The following PXDN variants were observed in gnomAD, a reference collection of about 807,000 sequenced individuals.
The protein encoded by PXDN is peroxidasin.
Under a neutral mutation model 140.3 loss-of-function variants are expected in PXDN, and 77 were observed. That is an observed-to-expected ratio of 0.55 (90% CI 0.46 to 0.66). The LOEUF (loss-of-function observed/expected upper bound fraction) is 0.66. Among genes scored for constraint, PXDN ranks in the 30% least tolerant of loss-of-function variants. The probability of loss-of-function intolerance (pLI) is 0.00; values close to 1 mark genes in which losing one functional copy is unlikely to be tolerated. For missense variants in PXDN, 1,838 were observed against 2,039.5 expected, an observed-to-expected ratio of 0.90 and a Z score of 1.90; for synonymous variants, 911 against 857.4, an observed-to-expected ratio of 1.06 and a Z score of -1.09.
chr2:1,692,031 A>G, intron 2 of PXDN, 32 bp from the exon 3 acceptor site: 1 of 1,406,198 alleles, frequency 7.1e-7, no homozygotes, highest in East Asian at 2.5e-5. Flanking sequence ...AATTTTAAAA[A>G]ACAACAGAAA....
intron 4 of PXDN, among the ~76,000 whole-genome samples, chr2:1,686,988 G>A (rs994543116): frequency 1.3e-5 from 2 of 152,110 alleles, no homozygotes; most frequent in Non-Finnish European, 2.9e-5. Flanking sequence ...GTGACTGGCC[G>A]AGCAAACAAA....
At chr2:1,704,426 G>A (rs1336402922) in intron 1 of PXDN, among the ~76,000 whole-genome samples, 1 of 63,234 alleles carries the variant, frequency 1.6e-5, no homozygotes, top group East Asian at 7.9e-4. Flanking sequence ...GCAACTCCAG[G>A]TGAAGGTAGG....
At chr2:1,642,423 T>C (rs1682749669) in intron 19 of PXDN, among the ~76,000 whole-genome samples, 1 of 152,254 alleles carries the variant, frequency 6.6e-6, no homozygotes, top group Non-Finnish European at 1.5e-5. Flanking sequence ...GTCTGTACTT[T>C]GTGTGTCTCT....
chr2:1,700,273 G>C (rs538135065), intron 1 of PXDN, among the ~76,000 whole-genome samples: 25 of 152,134 alleles, frequency 1.6e-4, no homozygotes, highest in Non-Finnish European at 2.4e-4. Context: ...TGTTGGCCAG[G>C]CTGGTCTCCA....
chr2:1,693,645 G>T (rs1684232161), intron 1 of PXDN, among the ~76,000 whole-genome samples: 1 of 152,160 alleles, frequency 6.6e-6, no homozygotes, highest in Non-Finnish European at 1.5e-5. Context: ...CACGCTAACT[G>T]GGAAAATAGG....
rs114754299 is a variant in PXDN, at chr2:1,660,629, A to G, written c.1837+252T>C. 7.1e-3 allele frequency among the ~76,000 whole-genome samples: 1,076 copies of G among 152,324 alleles called. 12 individuals are homozygous for G. Among genetic ancestry groups the G allele is most frequent in the African/African-American group, 0.025 (1,023 of 41,576 alleles). On this transcript the variant is annotated intron_variant, in intron 14 of 22. Transcript: ENST00000252804. This position sits in a 1 kb window ranked among gnomAD's most constrained non-coding sequence, Gnocchi z 4.6. Reference sequence around the variant, plus strand: ...TGGGCTGCAGGGTAAGACATTGCCCAGTGGACAGGCTGCAGGACAAAGCTC... The same window carrying G: ...TGGGCTGCAGGGTAAGACATTGCCCGGTGGACAGGCTGCAGGACAAAGCTC...
In PXDN at chr2:1,687,603, A is replaced by G. The variant is rs1173201639; in HGVS notation, c.416+29T>C. ...GAAAACAGCCAGACGGCATCCAAGA[A>G]CTAAAGCACGAAGAGAAGGGGCACT... On this transcript the variant is annotated intron_variant, in intron 4 of 22. Transcript: ENST00000252804. The surrounding 1 kb of genome is among the most constrained non-coding windows in gnomAD (Gnocchi z 4.0). 7 of 1,458,974 alleles carry G rather than the reference A, an allele frequency of 4.8e-6. No homozygotes were observed. In the Admixed American group the frequency reaches 1.3e-4, roughly 26 times the overall value. 90.4% of individuals were successfully genotyped at this position (1,458,974 alleles called of 1,614,324 possible).
At chr2:1,715,967 C>T (rs1684884866) in intron 1 of PXDN, among the ~76,000 whole-genome samples, 1 of 152,200 alleles carries the variant, frequency 6.6e-6, no homozygotes, top group African/African-American at 2.4e-5. Context: ...ATAGCCCTCA[C>T]CCAGCTGCTC....
intron 14 of PXDN, among the ~76,000 whole-genome samples, chr2:1,657,879 G>A (rs1235005931): frequency 4.4e-5 from 6 of 136,502 alleles, no homozygotes; most frequent in African/African-American, 1.9e-4. Flanking sequence ...GCCCCCTCCT[G>A]ACCGAAACCT....
Position 1,685,313 on chromosome 2 carries a change from G to T in PXDN, c.417-1162C>A, listed in dbSNP as rs1408281877. ...GTGAGGGAAGGAAAAACTGGAGCAG[G>T]AAGACAAGGAAAACCGCCGTGGGCG... On this transcript the variant is annotated intron_variant, in intron 4 of 22. Transcript: ENST00000252804. This position sits in a 1 kb window ranked among gnomAD's most constrained non-coding sequence, Gnocchi z 5.1. Among the ~76,000 whole-genome samples the T allele has an allele frequency of 6.6e-6, 1 of 152,238 alleles. No individual in the cohort carries two copies. The highest frequency in any genetic ancestry group is 6.5e-5 in the Admixed American group (1 of 15,288).
intron 10 of PXDN, among the ~76,000 whole-genome samples, chr2:1,665,314 G>A (rs573581185): frequency 3.9e-5 from 6 of 152,264 alleles, no homozygotes; most frequent in South Asian, 2.1e-4. Context: ...CAACCACACC[G>A]CCAGCTGCAA....
chr2:1,719,235 C>G (rs1237077233), intron 1 of PXDN, among the ~76,000 whole-genome samples: 1 of 152,176 alleles, frequency 6.6e-6, no homozygotes, highest in Non-Finnish European at 1.5e-5. Flanking sequence ...GGCAGCCACC[C>G]ACCTTCACCC....
intron 1 of PXDN, among the ~76,000 whole-genome samples, chr2:1,702,016 G>T (rs184591523): frequency 6.6e-6 from 1 of 152,222 alleles, no homozygotes; most frequent in African/African-American, 2.4e-5. Flanking sequence ...AGGCTGCCCC[G>T]CCTATGGCTC....
Position 1,651,660 on chromosome 2 carries a change from G to C in PXDN, c.2104+1968C>G, listed in dbSNP as rs1357950362. Among the ~76,000 whole-genome samples the C allele has an allele frequency of 6.6e-6, 1 of 152,092 alleles. No homozygotes were observed. Among genetic ancestry groups the C allele is most frequent in the South Asian group, 2.1e-4 (1 of 4,814 alleles). On this transcript the variant is annotated intron_variant, in intron 16 of 22. Coordinates refer to ENST00000252804, the MANE Select transcript of PXDN (RefSeq NM_012293.3). The surrounding 1 kb of genome is among the most constrained non-coding windows in gnomAD (Gnocchi z 4.4). ...CCACCTCCAAGACTCTGCATGTGTG[G>C]TCCCCTCAGATGCTCCAGGGAGGCC...
At chr2:1,726,293 TTGGAA>T (rs1016841282) in intron 1 of PXDN, among the ~76,000 whole-genome samples, 4 of 151,360 alleles carry the variant, frequency 2.6e-5, no homozygotes, top group Non-Finnish European at 5.9e-5. Flanking sequence ...ATGGATGAAA[TTGGAA>T]ATCATCATTC....
chr2:1,713,590 C>G (rs1684831162), intron 1 of PXDN, among the ~76,000 whole-genome samples: 1 of 152,236 alleles, frequency 6.6e-6, no homozygotes, highest in Non-Finnish European at 1.5e-5. Context: ...AGGCTGTCTC[C>G]CTCATAGCCC....
At chr2:1,683,350 A>T (rs1368334451) in intron 6 of PXDN, among the ~76,000 whole-genome samples, 1 of 152,136 alleles carries the variant, frequency 6.6e-6, no homozygotes, top group East Asian at 1.9e-4. Context: ...CGGGAGGTTG[A>T]GGCTGCAGTG....
intron 14 of PXDN, among the ~76,000 whole-genome samples, chr2:1,657,894 C>T (rs965188665): frequency 6.6e-6 from 1 of 150,778 alleles, no homozygotes; most frequent in African/African-American, 2.5e-5. Context: ...AAACCTGCCC[C>T]TCCTGACTGA....
At chr2:1,668,691 G>GAA (rs923762551) in intron 9 of PXDN, among the ~76,000 whole-genome samples, 1 of 151,286 alleles carries the variant, frequency 6.6e-6, no homozygotes, top group African/African-American at 2.4e-5. Context: ...ACAAACATAT[G>GAA]AAAAAAAAGC....
Sources: allele counts gnomAD v4.1 joint callset (sites outside exome capture counted in the v4.1 genomes callset), GRCh38; gene constraint gnomAD v4.1.1; non-coding constraint Gnocchi (gnomAD v3.1); transcripts MANE v1.5; gene names NCBI Gene and HGNC (gene_info 2026-07-23, HGNC 2026-07-21).